Variants in TG observed in about 807,000 individuals in gnomAD.
TG encodes thyroid hormones.
TG carries 270 observed loss-of-function variants against 324.7 expected under a neutral mutation model. The observed-to-expected ratio is 0.83, with a 90% CI of 0.75 to 0.92. The LOEUF (loss-of-function observed/expected upper bound fraction) is 0.92. TG is among the 40% of genes least tolerant of loss of function. TG has a pLI of 0.00. For missense variants in TG, 3,591 were observed against 3,456.4 expected (o/e 1.04, Z -0.98); for synonymous variants, 1,401 against 1,327.0 (o/e 1.06, Z -1.21).
chr8:132,944,913 G>C (rs901957828), intron 26 of TG, among the ~76,000 whole-genome samples: 1 of 152,226 alleles, frequency 6.6e-6, no homozygotes, highest in African/African-American at 2.4e-5. Context: ...CCTGTGGGAA[G>C]AGGGTGCAGG....
chr8:133,040,017 CCA>C (rs1564102916), intron 41 of TG: 5 of 1,551,732 alleles, frequency 3.2e-6, no homozygotes, highest in Non-Finnish European at 3.5e-6. Context: ...CTCCTCCAGT[CCA>C]CAGTCTTCTG....
At position 132,964,869 on chromosome 8, in the gene TG, G is replaced by A. The variant is rs933627459; in HGVS notation, c.5549-1691G>A. 2.7e-5 allele frequency: 19 copies of A among 701,274 alleles called. No homozygotes were observed. In the African/African-American group the frequency reaches 3.3e-4, roughly 12 times the overall value. The allele number at this position is 701,274 out of a possible 1,614,324, so 43.4% of individuals were successfully genotyped here. A position where few individuals can be genotyped will look rare whatever the true frequency, so the allele number is the denominator to read the frequency against. On this transcript the variant is annotated intron_variant, in intron 29 of 47. Coordinates refer to ENST00000220616, the MANE Select transcript of TG (RefSeq NM_003235.5). Reference sequence around the variant, plus strand: ...TGAGAATGCAGGAGAAGGAATGCTAGCAGCCTGCAGGGGCCAGGAAAGGTT... The same window carrying A: ...TGAGAATGCAGGAGAAGGAATGCTAACAGCCTGCAGGGGCCAGGAAAGGTT...
rs758188887 is a variant in TG at position 132,941,383 on chromosome 8, T to A, written c.5074T>A (p.Phe1692Ile). ...ATCCACCACAACACTTCAGAAACGC[T>A]TTGAACCCACTGGTTTCCAAAACAT... ...QGSTTTLQKRFEPTGFQNMLS... is the reference protein window; with the variant it reads ...QGSTTTLQKRIEPTGFQNMLS... Residue 1692 changes from phenylalanine to isoleucine, a missense_variant, in exon 26 of 48, where the codon TTT becomes ATT. Coordinates refer to ENST00000220616, the MANE Select transcript of TG (RefSeq NM_003235.5). 6.2e-7 allele frequency: 1 copy of A among 1,614,242 alleles called. No individual in the cohort carries two copies. Among genetic ancestry groups the A allele is most frequent in the African/African-American group, 1.3e-5 (1 of 75,056 alleles).
At chr8:133,018,435 G>T (rs1397695815) in intron 38 of TG, among the ~76,000 whole-genome samples, 1 of 152,082 alleles carries the variant, frequency 6.6e-6, no homozygotes, top group African/African-American at 2.4e-5. Context: ...TCAGCTTCCT[G>T]GCCATATCTG....
rs373751930 is a variant in TG at position 133,131,896 on chromosome 8, G to C, written c.7947G>C (p.Lys2649Asn). ...AYEGQFSLEE[K>N]SLSLKIMQYF... ...AGGGGCAGTTTTCTCTGGAGGAGAA[G>C]AGCCTGTCGCTGAAAATCATGCAGT... The change falls in exon 46 of 48, where the codon AAG becomes AAC. Residue 2649 changes from lysine to asparagine, a missense_variant. Coordinates refer to ENST00000220616, the MANE Select transcript of TG (RefSeq NM_003235.5). 34 of 1,614,066 alleles carry C rather than the reference G, an allele frequency of 2.1e-5. No homozygotes were observed. Among genetic ancestry groups the C allele is most frequent in the Non-Finnish European group, 2.9e-5 (34 of 1,180,026 alleles).
At chr8:133,014,830 C>A (rs1224114109) in intron 37 of TG, among the ~76,000 whole-genome samples, 2 of 152,196 alleles carry the variant, frequency 1.3e-5, no homozygotes, top group Admixed American at 1.3e-4. Flanking sequence ...CTGTTAGGCC[C>A]TCAATCGTAA....
At chr8:132,912,681 A>G (rs183612364) in intron 19 of TG, among the ~76,000 whole-genome samples, 118 of 152,206 alleles carry the variant, frequency 7.8e-4, no homozygotes, top group African/African-American at 2.7e-3. Context: ...TGGGAAAACT[A>G]AGGCTCAGAG....
intron 45 of TG, among the ~76,000 whole-genome samples, chr8:133,123,270 C>T (rs1851279635): frequency 6.6e-6 from 1 of 152,048 alleles, no homozygotes; most frequent in African/African-American, 2.4e-5. Context: ...AAGATGCTGT[C>T]CCTGGCCCCT....
intron 26 of TG, among the ~76,000 whole-genome samples, chr8:132,942,746 G>A (rs917925426): frequency 6.6e-4 from 100 of 152,328 alleles, no homozygotes; most frequent in African/African-American, 2.3e-3. Flanking sequence ...ATGAGGTAGA[G>A]ACGTAGAAGT....
At chr8:133,102,764 T>C in intron 43 of TG, 1 of 570,672 alleles carries the variant, frequency 1.8e-6, no homozygotes, top group Non-Finnish European at 3.2e-6. Flanking sequence ...TGTTCCAAGA[T>C]GCAATGTTCT....
intron 43 of TG, among the ~76,000 whole-genome samples, chr8:133,110,513 C>T (rs1037055594): frequency 3.3e-5 from 5 of 152,208 alleles, no homozygotes; most frequent in African/African-American, 1.2e-4. Context: ...GATAGATACA[C>T]ATAGCATTTT....
chr8:132,956,806 TG>T (rs975907041), intron 27 of TG, among the ~76,000 whole-genome samples: 2 of 152,004 alleles, frequency 1.3e-5, no homozygotes, highest in African/African-American at 4.8e-5. Flanking sequence ...GGTCAAAGCC[TG>T]GGTGGGGATT....
Position 133,019,614 on chromosome 8 carries a change from G to T in TG, c.6795G>T (p.Trp2265Cys), listed in dbSNP as rs1343882962. 5.0e-6 allele frequency: 8 copies of T among 1,613,652 alleles called. No homozygotes were observed. The highest frequency in any genetic ancestry group is 3.3e-5 in the Admixed American group (2 of 60,006). ...TCTGTATCTGCAGGGCCAGCTGCTG[G>T]CAGCCAGGCACCAGAACATCCACGT... Reference protein sequence around the residue: ...WDASKPRASCWQPGTRTSTSP... With the variant: ...WDASKPRASCCQPGTRTSTSP... Residue 2265 changes from tryptophan to cysteine, a missense_variant, in exon 39 of 48, where the codon TGG (tryptophan) becomes TGT (cysteine). Physicochemically the swap from Trp to Cys is radical, Grantham distance 215. Transcript: ENST00000220616.
chr8:132,982,314 C>T (rs1300971987), intron 34 of TG, among the ~76,000 whole-genome samples: 1 of 152,182 alleles, frequency 6.6e-6, no homozygotes, highest in Non-Finnish European at 1.5e-5. Flanking sequence ...TGCTACATTG[C>T]CGCAGCTCCC....
intron 16 of TG, 147 bp from the exon 17 acceptor site, chr8:132,906,541 G>A (rs898698570): frequency 1.0e-5 from 9 of 887,730 alleles, no homozygotes; most frequent in African/African-American, 1.7e-5. Context: ...AGCAGGCCCA[G>A]GCCAGGCCCT....
intron 45 of TG, among the ~76,000 whole-genome samples, chr8:133,124,261 G>A (rs1481017311): frequency 2.0e-5 from 3 of 152,226 alleles, no homozygotes; most frequent in Non-Finnish European, 4.4e-5. Flanking sequence ...TCTTCTGAAG[G>A]CCTTGGCCTC....
intron 5 of TG, among the ~76,000 whole-genome samples, chr8:132,875,919 A>G (rs1265092266): frequency 1.3e-5 from 2 of 152,152 alleles, no homozygotes; most frequent in Non-Finnish European, 2.9e-5. Flanking sequence ...GGAGCCTTGG[A>G]GGCCATATAG....
chr8:133,026,723 C>T (rs963883725), intron 40 of TG, among the ~76,000 whole-genome samples: 2 of 152,170 alleles, frequency 1.3e-5, no homozygotes, highest in Admixed American at 1.3e-4. Context: ...GTCTCTGGGA[C>T]ACTCGGAGGC....
intron 45 of TG, among the ~76,000 whole-genome samples, chr8:133,127,032 G>A (rs561076573): frequency 3.3e-5 from 5 of 152,216 alleles, no homozygotes; most frequent in African/African-American, 7.2e-5. Context: ...CAGATGGGCC[G>A]GAATGCCCAT....
Sources: gnomAD v4.1 joint callset for allele counts (sites outside exome capture counted in the v4.1 genomes callset) on GRCh38, gnomAD v4.1.1 for gene constraint, MANE v1.5 for transcripts, NCBI Gene and HGNC (gene_info 2026-07-23, HGNC 2026-07-21) for gene names.